XG: variants seen among roughly 807,000 people sequenced by gnomAD.
XG encodes Xg glycoprotein (Xg blood group), also known as glycoprotein Xg.
XG carries 24 observed loss-of-function variants against 25.7 expected under a neutral mutation model. The ratio of observed to expected loss-of-function variants is 0.93; its 90% confidence interval spans 0.68 to 1.31. The LOEUF is 1.31. Ranked by LOEUF, XG falls within the 40% of genes most tolerant of loss-of-function variation. XG has a pLI of 0.00. For synonymous variants in XG, 77 were observed against 69.2 expected, an observed-to-expected ratio of 1.11 and a Z score of -0.56; for missense variants, 181 against 187.6, an observed-to-expected ratio of 0.96 and a Z score of 0.21.
At chrX:2,781,121 G>C (rs1452841085) in intron 3 of XG, among the ~76,000 whole-genome samples, 1 of 152,030 alleles carries the variant, frequency 6.6e-6, no homozygotes, top group African/African-American at 2.4e-5. Flanking sequence ...TATTGACTGA[G>C]TGGTTAAATA....
chrX:2,756,730 G>T (rs2050443525), intron 1 of XG, among the ~76,000 whole-genome samples: 1 of 152,118 alleles, frequency 6.6e-6, no homozygotes, highest in Admixed American at 6.5e-5. Context: ...TGTGCAACAG[G>T]GGTGTGTTTG....
intron 4 of XG, among the ~76,000 whole-genome samples, chrX:2,787,800 G>A (rs2086798207): frequency 9.1e-6 from 1 of 110,006 alleles, no homozygotes; most frequent in African/African-American, 3.3e-5. Flanking sequence ...CCAGCTACTT[G>A]GGAGGCTGGG....
chrX:2,786,260 C>CTTTTT (rs1179667048), intron 4 of XG, among the ~76,000 whole-genome samples: 6 of 60,571 alleles, frequency 9.9e-5, no homozygotes, highest in African/African-American at 2.8e-4. Flanking sequence ...TCCATGTTGT[C>CTTTTT]TTTTTTTTTT....
intron 7 of XG, among the ~76,000 whole-genome samples, chrX:2,803,140 T>C (rs1244235879): frequency 9.0e-6 from 1 of 111,418 alleles, no homozygotes; most frequent in African/African-American, 3.3e-5. Context: ...CTGGGAGTAG[T>C]TTTTTATTGT....
intron 1 of XG, among the ~76,000 whole-genome samples, chrX:2,753,763 A>G (rs2050379502): frequency 6.6e-6 from 1 of 151,930 alleles, no homozygotes; most frequent in Non-Finnish European, 1.5e-5. Flanking sequence ...TTCTATTTTT[A>G]GTAGAGACTG....
intron 1 of XG, among the ~76,000 whole-genome samples, chrX:2,756,638 A>G (rs1217033415): frequency 3.9e-5 from 6 of 152,226 alleles, no homozygotes; most frequent in Non-Finnish European, 8.8e-5. Context: ...ACACCAGCTA[A>G]GACAGTCTCT....
intron 7 of XG, among the ~76,000 whole-genome samples, chrX:2,805,500 A>G (rs1415383212): frequency 5.6e-5 from 6 of 108,055 alleles, no homozygotes; most frequent in African/African-American, 1.7e-4. Flanking sequence ...CTGTGTTCCA[A>G]TCTCCTCTCC....
intron 7 of XG, among the ~76,000 whole-genome samples, chrX:2,801,398 G>A (rs1240770866): frequency 2.7e-5 from 3 of 111,696 alleles, no homozygotes; most frequent in Admixed American, 9.5e-5. Context: ...GTTGTGGACC[G>A]CAGCAGCTTT....
At chrX:2,766,627 T>C (rs1484981451) in intron 1 of XG, among the ~76,000 whole-genome samples, 8 of 145,512 alleles carry the variant, frequency 5.5e-5, no homozygotes, top group Middle Eastern at 3.8e-3. Flanking sequence ...TGTACTGGTG[T>C]GAACTCGGCT....
At chrX:2,756,709 C>G (rs28428697) in intron 1 of XG, among the ~76,000 whole-genome samples, 2,185 of 152,252 alleles carry the variant, frequency 0.014, 52 homozygotes, top group African/African-American at 0.048. Context: ...CCCTGACGCC[C>G]CCTCACAGGA....
At chrX:2,801,964 C>T (rs1231219250) in intron 7 of XG, among the ~76,000 whole-genome samples, 5 of 111,406 alleles carry the variant, frequency 4.5e-5, no homozygotes, top group African/African-American at 6.5e-5. Context: ...GCCTCGGCCT[C>T]CCAAAGTGCT....
In XG at chrX:2,797,383, G is replaced by A. The variant is rs779826523; in HGVS notation, c.373+23G>A. The A allele has an allele frequency of 5.9e-6, 7 of 1,195,046 alleles. No homozygotes were observed. In the Admixed American group the frequency reaches 6.6e-5, roughly 11 times the overall value. ...ACGGTACCCCTACATCTGGGCATGC[G>A]ATGGTGGGTGGAGGGTGGGAGGGGT... is the stretch of plus-strand genomic sequence containing the variant. On this transcript the variant is annotated intron_variant, in intron 7 of 10. Transcript: ENST00000644266.
At chrX:2,769,541 T>C (rs2050769670) in intron 1 of XG, among the ~76,000 whole-genome samples, 1 of 152,208 alleles carries the variant, frequency 6.6e-6, no homozygotes, top group Non-Finnish European at 1.5e-5. Flanking sequence ...CTCAATGTGC[T>C]CCTGGCTGCA....
chrX:2,767,428 T>C (rs987691225), intron 1 of XG, among the ~76,000 whole-genome samples: 1 of 152,072 alleles, frequency 6.6e-6, no homozygotes, highest in Non-Finnish European at 1.5e-5. Flanking sequence ...TGAGGCTGCT[T>C]TCTTCTTGGG....
intron 2 of XG, among the ~76,000 whole-genome samples, chrX:2,773,983 T>A (rs944971829): frequency 6.6e-6 from 1 of 151,878 alleles, no homozygotes; most frequent in Non-Finnish European, 1.5e-5. Flanking sequence ...TCTTGCAGTC[T>A]CTGCATCCCC....
chrX:2,766,138 C>A (rs2050679728), intron 1 of XG, among the ~76,000 whole-genome samples: 1 of 148,024 alleles, frequency 6.8e-6, no homozygotes, highest in Non-Finnish European at 1.5e-5. Context: ...TCTTCTTGGC[C>A]TCTCTCTCTC....
chrX:2,773,285 AG>A, intron 2 of XG, among the ~76,000 whole-genome samples: 1 of 149,628 alleles, frequency 6.7e-6, no homozygotes, highest in Admixed American at 6.7e-5. Flanking sequence ...GGAAGGAAGA[AG>A]GAGAGGAATG....
intron 5 of XG, among the ~76,000 whole-genome samples, 172 bp from the exon 6 acceptor site, chrX:2,794,363 G>A (rs756115858): frequency 1.8e-5 from 2 of 112,439 alleles, no homozygotes; most frequent in East Asian, 2.8e-4. Context: ...CAGGCAAGGC[G>A]GCCAGCCCAC....
At position 2,774,348 on chromosome X, in the gene XG, C is replaced by A. The variant is rs372037082; in HGVS notation, c.104-368C>A. 1.1e-4 allele frequency among the ~76,000 whole-genome samples: 16 copies of A among 151,942 alleles called. No individual in the cohort carries two copies. In the East Asian group the frequency reaches 1.2e-3, roughly 11 times the overall value. On this transcript the variant is annotated intron_variant, in intron 2 of 10. Coordinates refer to ENST00000644266, the MANE Select transcript of XG (RefSeq NM_001141919.2). ...AATGAATGAAAGAAAGTGAGATAAG[C>A]CATCATTCTGGAAGCTGCAAGTCTT...
Sources: gnomAD v4.1 joint callset for allele counts (sites outside exome capture counted in the v4.1 genomes callset) on GRCh38, gnomAD v4.1.1 for gene constraint, MANE v1.5 for transcripts, NCBI Gene and HGNC (gene_info 2026-07-23, HGNC 2026-07-21) for gene names.